The following IL4R variants were observed in gnomAD, a reference collection of about 807,000 sequenced individuals.
The protein encoded by IL4R is interleukin-4 receptor subunit alpha.
A neutral mutation model predicts 41.5 loss-of-function variants in IL4R; 17 were observed. The observed-to-expected ratio is 0.41, with a 90% CI of 0.28 to 0.61. The LOEUF (loss-of-function observed/expected upper bound fraction) is 0.61. Among genes scored for constraint, IL4R ranks in the 20% least tolerant of loss-of-function variants. IL4R has a pLI of 0.31. For missense variants in IL4R, 974 were observed against 1,043.1 expected (o/e 0.93, Z 0.91); for synonymous variants, 402 against 422.9 (o/e 0.95, Z 0.61).
chr16:27,339,625 A>G (rs766866402), intron 2 of IL4R, among the ~76,000 whole-genome samples: 72 of 152,114 alleles, frequency 4.7e-4, no homozygotes, highest in Non-Finnish European at 9.3e-4. Context: ...TGTCCAAGGA[A>G]GGCCACATCC....
chr16:27,332,648 G>C (rs530389634), intron 2 of IL4R, among the ~76,000 whole-genome samples: 1 of 151,616 alleles, frequency 6.6e-6, no homozygotes, highest in East Asian at 1.9e-4. Context: ...GATTTTCCTC[G>C]ATTAATTTTC....
chr16:27,327,255 C>T (rs2084980666), intron 1 of IL4R, among the ~76,000 whole-genome samples: 1 of 152,102 alleles, frequency 6.6e-6, no homozygotes, highest in Admixed American at 6.6e-5. Context: ...GTTTCCTGCC[C>T]AGAGGGAAGA....
Position 27,352,625 on chromosome 16 carries a change from G to C in IL4R, c.599G>C (p.Arg200Pro). Residue 200 changes from arginine (R) to proline (P), a missense_variant, in exon 7 of 11, where the codon CGG (arginine) becomes CCG (proline). Arg to Pro is a moderately radical substitution (Grantham distance 103). Coordinates refer to ENST00000395762, the MANE Select transcript of IL4R (RefSeq NM_000418.4). ...TLKSGISYRA[R>P]VRAWAQCYNT... ...AAGTCTGGGATTTCCTACAGGGCAC[G>C]GGTGAGGGCCTGGGCTCAGTGCTAT... 1 of 1,614,184 alleles carries C rather than the reference G, an allele frequency of 6.2e-7. No homozygotes were observed. Among genetic ancestry groups the C allele is most frequent in the Non-Finnish European group, 8.5e-7 (1 of 1,180,018 alleles).
At chr16:27,334,992 A>G (rs557503610) in intron 2 of IL4R, among the ~76,000 whole-genome samples, 32 of 152,222 alleles carry the variant, frequency 2.1e-4, no homozygotes, top group African/African-American at 7.7e-4. Context: ...GACAATTTAA[A>G]AAGGGACAGA....
chr16:27,313,872 G>T, upstream of IL4R: 1 of 973,170 alleles, frequency 1.0e-6, no homozygotes, highest in Non-Finnish European at 1.2e-6. Context: ...CAAATCTGCC[G>T]GGCGCCGGGG....
chr16:27,341,322 GGGAGGGGCGGGAATCA>G (rs1353071481), intron 3 of IL4R: 1 of 607,704 alleles, frequency 1.6e-6, no homozygotes, highest in Non-Finnish European at 2.9e-6. Context: ...AGGTACTTTG[GGGAGGGGCGGGAATCA>G]GGAGTTAGTT....
At chr16:27,319,066 C>T (rs2084733207) in intron 1 of IL4R, among the ~76,000 whole-genome samples, 2 of 152,104 alleles carry the variant, frequency 1.3e-5, no homozygotes, top group Non-Finnish European at 2.9e-5. Context: ...TGAACTGAGA[C>T]CTGAAATACC....
chr16:27,363,568 T>C lies in IL4R; in HGVS notation c.2216T>C (p.Met739Thr), dbSNP rs368593697. 6.2e-5 allele frequency: 100 copies of C among 1,614,052 alleles called. No homozygotes were observed. Among genetic ancestry groups the C allele is most frequent in the Non-Finnish European group, 8.2e-5 (97 of 1,180,036 alleles). Residue 739 changes from methionine (M) to threonine (T), a missense_variant, in exon 11 of 11, where the codon ATG becomes ACG. Met to Thr is a moderately conservative substitution (Grantham distance 81). This residue lies in a region of IL4R where 682 missense variants were observed against 704.3 expected (regional missense o/e 0.97). Coordinates refer to ENST00000395762, the MANE Select transcript of IL4R (RefSeq NM_000418.4). ...GQEDGGQTPV[M>T]ASPCCGCCCG... ...GAGGATGGTGGCCAGACCCCTGTCA[T>C]GGCCAGTCCTTGCTGTGGCTGCTGC...
intron 1 of IL4R, among the ~76,000 whole-genome samples, chr16:27,327,662 T>A (rs1169815310): frequency 6.6e-6 from 1 of 152,042 alleles, no homozygotes; most frequent in African/African-American, 2.4e-5. Flanking sequence ...GCAACCACAG[T>A]CCTTAAACAC....
In IL4R at chr16:27,362,612, G is replaced by A. The variant is rs757516694; in HGVS notation, c.1260G>A (p.Gly420=). Residue 420 remains glycine, a synonymous_variant, in exon 11 of 11, where the codon GGG becomes GGA. Coordinates refer to ENST00000395762, the MANE Select transcript of IL4R (RefSeq NM_000418.4). ...TGGACCTGCTCGGAGAGGAGAATGGGGGCTTTTGCCAGCAGGACATGGGGG... is the reference window on the plus strand; with the variant it reads ...TGGACCTGCTCGGAGAGGAGAATGGAGGCTTTTGCCAGCAGGACATGGGGG... The part of the protein sequence containing the change: ...LFLDLLGEEN[G]GFCQQDMGES... The A allele has an allele frequency of 1.2e-6, 2 of 1,614,106 alleles. No homozygotes were observed. The highest frequency in any genetic ancestry group is 1.7e-6 in the Non-Finnish European group (2 of 1,180,010).
Position 27,355,439 on chromosome 16 carries a change from A to G in IL4R, c.671-369A>G, listed in dbSNP as rs1041064706. 5 of 308,468 alleles carry G rather than the reference A, an allele frequency of 1.6e-5. No individual in the cohort carries two copies. The Admixed American group carries it at 2.3e-4, about 14-fold the overall frequency. 19.1% of individuals were successfully genotyped at this position (308,468 alleles called of 1,614,324 possible). ...CACGATCAATTCTGTCATTAACCCC[A>G]TAGTACAGATGAGGATGCGGAGGCA... On this transcript the variant is annotated intron_variant, in intron 7 of 10. Transcript: ENST00000395762.
intron 7 of IL4R, 193 bp from the exon 8 acceptor site, chr16:27,355,615 G>T: frequency 3.7e-6 from 2 of 538,728 alleles, no homozygotes; most frequent in Non-Finnish European, 3.3e-6. Flanking sequence ...AGGGGGCAAT[G>T]AGGTGGCCGG....
At chr16:27,348,489 A>G (rs1481907241) in intron 6 of IL4R, among the ~76,000 whole-genome samples, 1 of 152,220 alleles carries the variant, frequency 6.6e-6, no homozygotes, top group Admixed American at 6.5e-5. Flanking sequence ...GAACCTGTCC[A>G]GCTCTGCGCC....
rs746501301 is a variant in IL4R at position 27,360,778 on chromosome 16, G to A, written c.862G>A (p.Glu288Lys). The A allele has an allele frequency of 1.9e-6, 3 of 1,614,156 alleles. No homozygotes were observed. The highest frequency in any genetic ancestry group is 1.7e-4 in the Middle Eastern group (1 of 6,054). Residue 288 changes from glutamate to lysine, a missense_variant, in exon 10 of 11, where the codon GAG becomes AAG. Around this residue, in one of 3 missense-constraint regions of IL4R, gnomAD observed 682 missense variants for 704.3 expected, o/e 0.97. Coordinates refer to ENST00000395762, the MANE Select transcript of IL4R (RefSeq NM_000418.4). ...CTCTGTATTTTAGGGGTCACAGTGG[G>A]AGAAGCGGTCCCGAGGCCAGGAACC... is the stretch of plus-strand genomic sequence containing the variant. ...IIQDAQGSQWEKRSRGQEPAK... is the reference protein window; with the variant it reads ...IIQDAQGSQWKKRSRGQEPAK...
At chr16:27,334,276 A>G (rs1048424052) in intron 2 of IL4R, 2 of 151,938 alleles carry the variant, frequency 1.3e-5, no homozygotes, top group Non-Finnish European at 2.9e-5. Context: ...TAATTCTTTT[A>G]CTCACCTGCA....
At position 27,345,332 on chromosome 16, in the gene IL4R, C is replaced by A; in HGVS notation, c.361+312C>A. 2.1e-6 allele frequency: 1 copy of A among 479,782 alleles called. No homozygotes were observed. The highest frequency in any genetic ancestry group is 4.0e-6 in the Non-Finnish European group (1 of 248,162). The allele number at this position is 479,782 out of a possible 1,614,324, so 29.7% of individuals were successfully genotyped here. A position where few individuals can be genotyped will look rare whatever the true frequency, so the allele number is the denominator to read the frequency against. On this transcript the variant is annotated intron_variant, in intron 5 of 10. Coordinates refer to ENST00000395762, the MANE Select transcript of IL4R (RefSeq NM_000418.4). This position sits in a 1 kb window ranked among gnomAD's most constrained non-coding sequence, Gnocchi z 4.5. ...AGGCATGCCTGCTGCTGATTGAAAA[C>A]CGAACTGGGAACATTCCTTCCATTC... is the stretch of plus-strand genomic sequence containing the variant.
At chr16:27,320,667 G>A (rs1028622193) in intron 1 of IL4R, among the ~76,000 whole-genome samples, 6 of 152,218 alleles carry the variant, frequency 3.9e-5, no homozygotes, top group Admixed American at 6.5e-5. Context: ...GGAAATCAGT[G>A]AGCATAGTCG....
chr16:27,346,808 C>A (rs868468365), intron 6 of IL4R, among the ~76,000 whole-genome samples, 190 bp downstream of exon 6: 2 of 152,208 alleles, frequency 1.3e-5, no homozygotes, highest in African/African-American at 4.8e-5. Context: ...CCTGGCCCCC[C>A]ACCCCTCACA....
intron 7 of IL4R, among the ~76,000 whole-genome samples, chr16:27,353,858 T>C (rs1435352265): frequency 6.6e-6 from 1 of 152,118 alleles, no homozygotes; most frequent in Admixed American, 6.6e-5. Context: ...AAAGTAAAGA[T>C]GTAATTTCTT....
Sources: gnomAD v4.1 joint callset for allele counts (sites outside exome capture counted in the v4.1 genomes callset) on GRCh38, gnomAD v4.1.1 for gene constraint, gnomAD v4.1.1 regional missense constraint, Gnocchi (gnomAD v3.1) non-coding constraint, MANE v1.5 for transcripts, NCBI Gene and HGNC (gene_info 2026-07-23, HGNC 2026-07-21) for gene names.